HDAC4: variants seen among roughly 807,000 people sequenced by gnomAD.
HDAC4 encodes the protein histone deacetylase A.
In HDAC4, 16 loss-of-function variants were observed where a neutral mutation model predicts 135.1. That is an observed-to-expected ratio of 0.12 (90% CI 0.08 to 0.18). The LOEUF (loss-of-function observed/expected upper bound fraction) is 0.18, where lower values mean the gene tolerates loss of function less well. Ranked by LOEUF, HDAC4 falls within the 10% of genes least tolerant of loss-of-function variation. HDAC4 has a pLI of 1.00. For synonymous variants in HDAC4, 685 were observed against 653.4 expected (o/e 1.05, Z -0.74); for missense variants, 1,143 against 1,511.8 (o/e 0.76, Z 4.05).
intron 8 of HDAC4, among the ~76,000 whole-genome samples, chr2:239,143,793 T>A (rs1400610088): frequency 6.6e-6 from 1 of 152,224 alleles, no homozygotes; most frequent in East Asian, 1.9e-4. Context: ...AGTGGAACTG[T>A]GCCTTTCACA....
At position 239,163,737 on chromosome 2, in the gene HDAC4, C is replaced by T. The variant is rs886651397; in HGVS notation, c.611+66G>A. On this transcript the variant is annotated intron_variant, in intron 6 of 26. Transcript: ENST00000543185. ...AAGAGCTGGCTCCATGCAAATCTAC[C>T]GGCGATCAGACAGTCCTCTGGGCCC... 9.7e-6 allele frequency: 15 copies of T among 1,540,130 alleles called. No individual in the cohort carries two copies. In the East Asian group the frequency reaches 1.8e-4, roughly 18 times the overall value.
chr2:239,221,847 G>A (rs965472802), intron 3 of HDAC4, among the ~76,000 whole-genome samples: 3 of 152,154 alleles, frequency 2.0e-5, no homozygotes, highest in Non-Finnish European at 2.9e-5. Flanking sequence ...ATGACAAGCC[G>A]AAACTATTGA....
In HDAC4 at chr2:239,354,973, C is replaced by T. The variant is rs959851767; in HGVS notation, c.-219-2055G>A. On this transcript the variant is annotated intron_variant, in intron 1 of 26. Coordinates refer to ENST00000543185, the MANE Select transcript of HDAC4 (RefSeq NM_001378414.1). The stretch of plus-strand genomic sequence containing the variant: ...CAAAATTTTTGGATGTCATTCCCCC[C>T]TCAACATTGTAGGGAAGTTTAAGTC... Among the ~76,000 whole-genome samples, 4 of 152,120 alleles carry T rather than the reference C, an allele frequency of 2.6e-5. No homozygotes were observed. In the South Asian group the frequency reaches 6.2e-4, roughly 24 times the overall value.
intron 5 of HDAC4, among the ~76,000 whole-genome samples, chr2:239,175,421 C>T (rs1396825890): frequency 6.6e-6 from 1 of 152,208 alleles, no homozygotes; most frequent in African/African-American, 2.4e-5. Flanking sequence ...TCCCAGCAGC[C>T]CACAGTCAGC....
chr2:239,271,702 AC>A (rs2050069701), intron 2 of HDAC4, among the ~76,000 whole-genome samples: 1 of 151,954 alleles, frequency 6.6e-6, no homozygotes, highest in Non-Finnish European at 1.5e-5. Flanking sequence ...CCAGTTCTGG[AC>A]CCCGAAGACA....
intron 2 of HDAC4, among the ~76,000 whole-genome samples, chr2:239,251,899 C>G (rs1463002049): frequency 1.3e-5 from 2 of 152,032 alleles, no homozygotes; most frequent in African/African-American, 2.4e-5. Flanking sequence ...ATGAATATAC[C>G]CTACACATCA....
intron 2 of HDAC4, among the ~76,000 whole-genome samples, chr2:239,269,642 C>A (rs58506646): frequency 6.6e-6 from 1 of 152,192 alleles, no homozygotes; most frequent in Non-Finnish European, 1.5e-5. Context: ...CGAGCCCGTG[C>A]GCTTTCCTAA....
At chr2:239,169,171 C>G (rs1027845399) in intron 5 of HDAC4, among the ~76,000 whole-genome samples, 7 of 152,202 alleles carry the variant, frequency 4.6e-5, no homozygotes, top group African/African-American at 7.2e-5. Flanking sequence ...GCACAAATCA[C>G]CCAGCTGATA....
At chr2:239,233,513 G>C (rs2047718317) in intron 3 of HDAC4, among the ~76,000 whole-genome samples, 1 of 150,402 alleles carries the variant, frequency 6.6e-6, no homozygotes, top group African/African-American at 2.4e-5. Flanking sequence ...AAGCATTACA[G>C]ATAAGAGATA....
chr2:239,327,163 G>A (rs1044896709), intron 2 of HDAC4, among the ~76,000 whole-genome samples: 6 of 152,278 alleles, frequency 3.9e-5, no homozygotes, highest in African/African-American at 9.6e-5. Flanking sequence ...CGGCAGCCTC[G>A]CCTGGCTCTG....
intron 2 of HDAC4, among the ~76,000 whole-genome samples, chr2:239,314,194 G>A (rs1309583453): frequency 2.6e-5 from 4 of 152,152 alleles, no homozygotes; most frequent in African/African-American, 7.2e-5. Flanking sequence ...AGAGGAACAC[G>A]CTATGAACCT....
intron 2 of HDAC4, among the ~76,000 whole-genome samples, chr2:239,292,288 A>T (rs1283742302): frequency 7.2e-5 from 11 of 152,232 alleles, no homozygotes. Flanking sequence ...GGTCACCTTC[A>T]CCTGGTACGG....
At chr2:239,066,957 G>C (rs2033577373) in intron 23 of HDAC4, 102 bp from the exon 24 acceptor site, 4 of 1,443,602 alleles carry the variant, frequency 2.8e-6, no homozygotes, top group Non-Finnish European at 3.8e-6. Context: ...TGGGGGCTGG[G>C]GTGTCGAGAC....
intron 1 of HDAC4, among the ~76,000 whole-genome samples, chr2:239,361,559 A>T (rs921150151): frequency 2.0e-5 from 3 of 152,250 alleles, no homozygotes; most frequent in African/African-American, 7.2e-5. Context: ...CAGAGAAGAG[A>T]AAAATTATGG....
chr2:239,237,579 CAA>C (rs112938737), intron 2 of HDAC4, among the ~76,000 whole-genome samples: 5 of 136,228 alleles, frequency 3.7e-5, no homozygotes, highest in Admixed American at 1.4e-4. Flanking sequence ...CAAATGACTG[CAA>C]AAAAAAAAAA....
chr2:239,194,950 G>A (rs3791573), intron 3 of HDAC4, among the ~76,000 whole-genome samples: 9 of 152,184 alleles, frequency 5.9e-5, no homozygotes, highest in Non-Finnish European at 1.2e-4. Context: ...TCTCCAGCTC[G>A]GTGCGCGTCT....
At chr2:239,270,373 A>G (rs973775252) in intron 2 of HDAC4, among the ~76,000 whole-genome samples, 1 of 152,166 alleles carries the variant, frequency 6.6e-6, no homozygotes, top group Non-Finnish European at 1.5e-5. Flanking sequence ...ATTCAACTGG[A>G]AAGGAGAAAG....
chr2:239,352,812 G>A lies in HDAC4; in HGVS notation c.-113C>T, dbSNP rs921921550. 4 of 1,086,124 alleles carry A rather than the reference G, an allele frequency of 3.7e-6. No homozygotes were observed. Among genetic ancestry groups the A allele is most frequent in the Non-Finnish European group, 5.5e-6 (4 of 724,750 alleles). The allele number at this position is 1,086,124 out of a possible 1,614,324, so 67.3% of individuals were successfully genotyped here. On this transcript the variant is annotated 5_prime_UTR_variant, in exon 2 of 27. Coordinates refer to ENST00000543185, the MANE Select transcript of HDAC4 (RefSeq NM_001378414.1). This position sits in a 1 kb window ranked among gnomAD's most constrained non-coding sequence, Gnocchi z 4.4. ...CAACACATACAAGTACCGGGACGGTGAGGGCTGGGTCACAGACGTTCAAGC... is the reference window on the plus strand; with the variant it reads ...CAACACATACAAGTACCGGGACGGTAAGGGCTGGGTCACAGACGTTCAAGC...
chr2:239,249,281 G>A (rs1348743573), intron 2 of HDAC4, among the ~76,000 whole-genome samples: 2 of 152,232 alleles, frequency 1.3e-5, no homozygotes, highest in Non-Finnish European at 2.9e-5. Flanking sequence ...CTTCCATTCC[G>A]ACTTCAGCCA....
Sources: allele counts gnomAD v4.1 joint callset (sites outside exome capture counted in the v4.1 genomes callset), GRCh38; gene constraint gnomAD v4.1.1; non-coding constraint Gnocchi (gnomAD v3.1); transcripts MANE v1.5; gene names NCBI Gene and HGNC (gene_info 2026-07-23, HGNC 2026-07-21).